The following PRKN variants were observed in gnomAD, a reference collection of about 807,000 sequenced individuals.
The protein encoded by PRKN is parkin RBR E3 ubiquitin protein ligase, also known as E3 ubiquitin-protein ligase parkin.
PRKN carries 56 observed loss-of-function variants against 59.5 expected under a neutral mutation model. The ratio of observed to expected loss-of-function variants is 0.94; its 90% CI spans 0.76 to 1.18. The LOEUF (loss-of-function observed/expected upper bound fraction) is 1.18. Among genes scored for constraint, PRKN ranks in the 50% most tolerant of loss-of-function variants. The pLI is 0.00. For synonymous variants in PRKN, 250 were observed against 222.1 expected, an observed-to-expected ratio of 1.13 and a Z score of -1.12; for missense variants, 657 against 596.4, an observed-to-expected ratio of 1.10 and a Z score of -1.06.
intron 2 of PRKN, among the ~76,000 whole-genome samples, chr6:162,273,061 G>C (rs1195858979): frequency 7.2e-6 from 1 of 138,412 alleles, no homozygotes; most frequent in East Asian, 2.1e-4. Context: ...CTTGACCATA[G>C]AAGACAAGTA....
At chr6:162,342,764 T>A (rs1485089680) in intron 2 of PRKN, among the ~76,000 whole-genome samples, 1 of 152,174 alleles carries the variant, frequency 6.6e-6, no homozygotes, top group Non-Finnish European at 1.5e-5. Context: ...TTCCTCCTTG[T>A]CAAGCCCAAT....
At chr6:162,077,629 A>G (rs572029961) in intron 4 of PRKN, among the ~76,000 whole-genome samples, 1 of 152,212 alleles carries the variant, frequency 6.6e-6, no homozygotes, top group South Asian at 2.1e-4. Context: ...TCCATGAATG[A>G]TTAATTTTTA....
intron 1 of PRKN, among the ~76,000 whole-genome samples, chr6:162,707,847 T>C (rs958776702): frequency 2.6e-5 from 4 of 152,156 alleles, no homozygotes; most frequent in African/African-American, 4.8e-5. Flanking sequence ...CCCAAAGTGC[T>C]GGGATTATAG....
intron 2 of PRKN, among the ~76,000 whole-genome samples, chr6:162,287,196 G>A (rs941010282): frequency 9.9e-5 from 15 of 152,140 alleles, no homozygotes; most frequent in Non-Finnish European, 1.9e-4. Flanking sequence ...AGATAGACAA[G>A]CTCATGAATT....
chr6:162,340,797 A>G (rs1583410399), intron 2 of PRKN, among the ~76,000 whole-genome samples: 1 of 152,314 alleles, frequency 6.6e-6, no homozygotes, highest in East Asian at 1.9e-4. Context: ...AAACGTTAAG[A>G]CCTAAAATCA....
At chr6:162,648,608 C>T (rs1263358248) in intron 1 of PRKN, among the ~76,000 whole-genome samples, 1 of 152,162 alleles carries the variant, frequency 6.6e-6, no homozygotes, top group African/African-American at 2.4e-5. Context: ...TCTCAAACTC[C>T]TGACCTCAAG....
Position 161,527,559 on chromosome 6 carries a change from G to T in PRKN, c.1083+21295C>A, listed in dbSNP as rs1205833170. Among the ~76,000 whole-genome samples, 1 of 152,156 alleles carries T rather than the reference G, an allele frequency of 6.6e-6. No individual in the cohort carries two copies. The highest frequency in any genetic ancestry group is 6.5e-5 in the Admixed American group (1 of 15,290). ...TGCTGTGGCCTCTCTCTGCCTGAGG[G>T]GTGGAGTGAGGAACATCTGCCCATG... is the stretch of plus-strand genomic sequence containing the variant. On this transcript the variant is annotated intron_variant, in intron 9 of 11. Coordinates refer to ENST00000366898, the MANE Select transcript of PRKN (RefSeq NM_004562.3). This position sits in a 1 kb window ranked among gnomAD's most constrained non-coding sequence, Gnocchi z 4.6.
chr6:161,680,726 C>CATATATATATATATATATATAT, intron 7 of PRKN, among the ~76,000 whole-genome samples: 1 of 51,026 alleles, frequency 2.0e-5, no homozygotes, highest in South Asian at 7.0e-4. Flanking sequence ...TCCTGAAATA[C>CATATATATATATATATATATAT]ATATATATAT....
intron 6 of PRKN, among the ~76,000 whole-genome samples, chr6:161,862,509 T>C (rs1309273463): frequency 6.6e-6 from 1 of 151,956 alleles, no homozygotes; most frequent in Non-Finnish European, 1.5e-5. Flanking sequence ...GGCACAGGAA[T>C]GAAGGAGTAA....
In PRKN at chr6:161,715,244, G is replaced by T. The variant is rs75399339; in HGVS notation, c.871+70528C>A. ...CTGTGGTAACACAGAACCCAATGTA[G>T]CAGATAACAAAAGGCAAATATAATT... On this transcript the variant is annotated intron_variant, in intron 7 of 11. Transcript: ENST00000366898. 8.7e-3 allele frequency among the ~76,000 whole-genome samples: 1,319 copies of T among 152,308 alleles called. 16 individuals carry two copies. The highest frequency in any genetic ancestry group is 0.03 in the African/African-American group (1,265 of 41,568).
At chr6:162,683,789 G>T (rs997852228) in intron 1 of PRKN, among the ~76,000 whole-genome samples, 1 of 151,994 alleles carries the variant, frequency 6.6e-6, no homozygotes, top group Admixed American at 6.6e-5. Context: ...AGACAACTTT[G>T]GAAATAATAC....
chr6:161,357,972 C>A lies in PRKN; in HGVS notation c.1285+2116G>T, dbSNP rs1784826868. Among the ~76,000 whole-genome samples, 1 of 152,252 alleles carries A rather than the reference C, an allele frequency of 6.6e-6. No homozygotes were observed. Among genetic ancestry groups the A allele is most frequent in the South Asian group, 2.1e-4 (1 of 4,834 alleles). ...CATGGCAGAGTCCTAACTCCTGCAA[C>A]ACTGCAGTGCCGGGCTGTGTGAAGC... is the stretch of plus-strand genomic sequence containing the variant. On this transcript the variant is annotated intron_variant, in intron 11 of 11. Transcript: ENST00000366898. This position sits in a 1 kb window ranked among gnomAD's most constrained non-coding sequence, Gnocchi z 5.5.
intron 6 of PRKN, among the ~76,000 whole-genome samples, chr6:161,792,353 G>C (rs1193430549): frequency 6.6e-6 from 1 of 152,170 alleles, no homozygotes; most frequent in Admixed American, 6.5e-5. Flanking sequence ...TTTGAAAAAC[G>C]GTCAGGATTC....
intron 2 of PRKN, among the ~76,000 whole-genome samples, chr6:162,388,925 G>A (rs1178463825): frequency 7.3e-6 from 1 of 136,812 alleles, no homozygotes. Flanking sequence ...GTCCCTAAAA[G>A]AAAGTCACAG....
At chr6:161,702,485 G>A (rs1196703443) in intron 7 of PRKN, among the ~76,000 whole-genome samples, 1 of 152,066 alleles carries the variant, frequency 6.6e-6, no homozygotes, top group Non-Finnish European at 1.5e-5. Flanking sequence ...AAGGTCCTTG[G>A]AGTAGTCAAA....
At chr6:161,507,746 T>C (rs569924620) in intron 9 of PRKN, among the ~76,000 whole-genome samples, 2 of 152,300 alleles carry the variant, frequency 1.3e-5, no homozygotes, top group East Asian at 1.9e-4. Context: ...TTTTAGGTGG[T>C]ATTTCATATT....
At chr6:162,409,084 G>A (rs1324069665) in intron 2 of PRKN, among the ~76,000 whole-genome samples, 1 of 152,052 alleles carries the variant, frequency 6.6e-6, no homozygotes, top group Non-Finnish European at 1.5e-5. Context: ...TGCATAGATG[G>A]GGTAATGTGC....
intron 2 of PRKN, chr6:162,263,242 G>C (rs1779974434): frequency 5.0e-6 from 1 of 201,276 alleles, no homozygotes; most frequent in Admixed American, 5.3e-5. Flanking sequence ...ACCACACCTG[G>C]CTACGAAAAA....
chr6:162,419,050 A>C (rs6903308), intron 2 of PRKN, among the ~76,000 whole-genome samples: 79,354 of 151,460 alleles, frequency 0.52, 21,271 homozygotes, highest in East Asian at 0.68. Flanking sequence ...AGGCTCCAGG[A>C]AAAGCAGGTG....
Sources: allele counts gnomAD v4.1 joint callset (sites outside exome capture counted in the v4.1 genomes callset), GRCh38; gene constraint gnomAD v4.1.1; non-coding constraint Gnocchi (gnomAD v3.1); transcripts MANE v1.5; gene names NCBI Gene and HGNC (gene_info 2026-07-23, HGNC 2026-07-21).